The following SMC6 variants were observed in gnomAD, a reference collection of about 807,000 sequenced individuals.
The protein encoded by SMC6 is structural maintenance of chromosomes 6, also known as structural maintenance of chromosomes protein 6.
SMC6 carries 79 observed loss-of-function variants against 142.2 expected under a neutral mutation model. The observed-to-expected ratio is 0.56, with a 90% CI of 0.46 to 0.67. The LOEUF (loss-of-function observed/expected upper bound fraction) is 0.67. Among genes scored for constraint, SMC6 ranks in the 30% least tolerant of loss-of-function variants. The pLI is 0.00. For synonymous variants in SMC6, 411 were observed against 412.4 expected, an observed-to-expected ratio of 1.00 and a Z score of 0.04; for missense variants, 1,072 against 1,284.0, an observed-to-expected ratio of 0.83 and a Z score of 2.52.
intron 7 of SMC6, among the ~76,000 whole-genome samples, chr2:17,729,865 C>T (rs893028095): frequency 6.6e-6 from 1 of 152,176 alleles, no homozygotes; most frequent in Non-Finnish European, 1.5e-5. Context: ...TAGTCAAGAA[C>T]CACATGTGGC....
intron 18 of SMC6, among the ~76,000 whole-genome samples, chr2:17,704,009 T>C (rs1668391093): frequency 6.6e-6 from 1 of 151,966 alleles, no homozygotes; most frequent in Admixed American, 6.6e-5. Flanking sequence ...ACCTCTGCAC[T>C]GTTCAAGGGT....
At chr2:17,719,453 A>G (rs559550387) in intron 11 of SMC6, among the ~76,000 whole-genome samples, 6 of 152,338 alleles carry the variant, frequency 3.9e-5, no homozygotes, top group East Asian at 1.9e-4. Context: ...AAATTTGCCA[A>G]TTACAACATA....
intron 19 of SMC6, among the ~76,000 whole-genome samples, chr2:17,702,513 T>A (rs1191544900): frequency 1.3e-5 from 2 of 152,196 alleles, no homozygotes; most frequent in African/African-American, 2.4e-5. Context: ...CTTTTTGGTT[T>A]CAAAGCTTTG....
At chr2:17,728,222 G>A (rs1669726426) in intron 7 of SMC6, among the ~76,000 whole-genome samples, 1 of 152,084 alleles carries the variant, frequency 6.6e-6, no homozygotes, top group Non-Finnish European at 1.5e-5. Context: ...GACTGCTTGA[G>A]TCCAGGAGTT....
At position 17,710,745 on chromosome 2, in the gene SMC6, G is replaced by A. The variant is rs1323418963; in HGVS notation, c.1731-1992C>T. On this transcript the variant is annotated intron_variant, in intron 16 of 27. Transcript: ENST00000448223. ...AGTCAATTGAGTTAAGCGAAGTGAG[G>A]CTTGCTGATGCCTTGATAAGAGCTG... 2.0e-5 allele frequency among the ~76,000 whole-genome samples: 3 copies of A among 152,186 alleles called. No homozygotes were observed. The East Asian group carries it at 5.8e-4, about 29-fold the overall frequency.
At chr2:17,703,045 T>G (rs1384097205) in intron 19 of SMC6, 112 bp downstream of exon 19, 4 of 646,456 alleles carry the variant, frequency 6.2e-6, no homozygotes, top group Non-Finnish European at 1.0e-5. Flanking sequence ...TAAAGGGGCT[T>G]GAGGCCAAAA....
At chr2:17,715,202 T>C in intron 15 of SMC6, 137 bp from the exon 16 acceptor site, 1 of 781,348 alleles carries the variant, frequency 1.3e-6, no homozygotes, top group South Asian at 1.7e-5. Flanking sequence ...GATCATTTAA[T>C]CATAGTTTAT....
intron 21 of SMC6, among the ~76,000 whole-genome samples, chr2:17,699,453 C>T (rs57098476): frequency 0.013 from 1,986 of 152,124 alleles, 22 homozygotes; most frequent in African/African-American, 0.031. Flanking sequence ...TTTTGGTTTA[C>T]GTACATTCTT....
At chr2:17,686,174 A>G (rs1004325236) in intron 23 of SMC6, among the ~76,000 whole-genome samples, 2 of 152,108 alleles carry the variant, frequency 1.3e-5, no homozygotes, top group Admixed American at 6.6e-5. Flanking sequence ...GAGCATTCCT[A>G]ATCCAAAAAT....
rs753193321 is a variant in SMC6 at position 17,714,978 on chromosome 2, T to A, written c.1613A>T (p.Asn538Ile). Reference protein sequence around the residue: ...KGLLQAYCCHNHADERVLQAL... With the variant: ...KGLLQAYCCHIHADERVLQAL... ...CTGAAGGACCCTTTCATCAGCATGA[T>A]TATGGCAACAATAGGCCTGCAGAAG... The change falls in exon 16 of 28, where the codon AAT becomes ATT. Residue 538 changes from asparagine to isoleucine, a missense_variant. Around this residue, in one of 3 missense-constraint regions of SMC6, gnomAD observed 994 missense variants for 1,153.2 expected, o/e 0.86. Coordinates refer to ENST00000448223, the MANE Select transcript of SMC6 (RefSeq NM_001142286.2). 2.5e-6 allele frequency: 4 copies of A among 1,613,916 alleles called. No individual in the cohort carries two copies.
intron 26 of SMC6, among the ~76,000 whole-genome samples, chr2:17,668,545 T>A (rs895957498): frequency 5.9e-5 from 9 of 151,884 alleles, no homozygotes; most frequent in African/African-American, 2.2e-4. Context: ...AAATATTATA[T>A]AATAATATAA....
At chr2:17,731,653 G>T in intron 6 of SMC6, 88 bp downstream of exon 6, 1 of 1,271,764 alleles carries the variant, frequency 7.9e-7, no homozygotes, top group Non-Finnish European at 1.1e-6. Context: ...TTACAAGGAA[G>T]ATAGTTCAAT....
At chr2:17,668,828 C>T (rs765884334) in intron 26 of SMC6, among the ~76,000 whole-genome samples, 1 of 152,128 alleles carries the variant, frequency 6.6e-6, no homozygotes, top group Non-Finnish European at 1.5e-5. Flanking sequence ...GGTACGATAT[C>T]ATGAAGGGTC....
intron 6 of SMC6, 30 bp downstream of exon 6, chr2:17,731,711 A>G (rs1443158693): frequency 1.9e-6 from 3 of 1,592,026 alleles, no homozygotes; most frequent in Non-Finnish European, 2.6e-6. Flanking sequence ...CTAATATTTT[A>G]TAAGAAATGA....
intron 9 of SMC6, 32 bp downstream of exon 9, chr2:17,725,225 C>T: frequency 6.6e-7 from 1 of 1,512,188 alleles, no homozygotes; most frequent in East Asian, 2.3e-5. Flanking sequence ...TTTGGCTGAT[C>T]TCAAAAAGAT....
At chr2:17,689,445 T>C (rs932298617) in intron 23 of SMC6, among the ~76,000 whole-genome samples, 1 of 152,174 alleles carries the variant, frequency 6.6e-6, no homozygotes, top group Non-Finnish European at 1.5e-5. Context: ...TGTAAGATAA[T>C]ACTCTTATTC....
intron 23 of SMC6, among the ~76,000 whole-genome samples, chr2:17,686,558 G>C (rs767155200): frequency 6.6e-6 from 1 of 152,130 alleles, no homozygotes; most frequent in Admixed American, 6.5e-5. Context: ...GATGCCAAAA[G>C]TGAAAAATTC....
At chr2:17,666,598 A>C (rs1406102048) in intron 26 of SMC6, 81 bp from the exon 27 acceptor site, 2 of 982,028 alleles carry the variant, frequency 2.0e-6, no homozygotes, top group Non-Finnish European at 3.2e-6. Context: ...GGCTGATACA[A>C]GCTCCTGGAT....
At position 17,695,260 on chromosome 2, in the gene SMC6, C is replaced by A. The variant is rs780388886; in HGVS notation, c.2570G>T (p.Arg857Leu). The change falls in exon 23 of 28, where the codon CGT becomes CTT. Residue 857 changes from arginine (R) to leucine (L), a missense_variant. Coordinates refer to ENST00000448223, the MANE Select transcript of SMC6 (RefSeq NM_001142286.2). ...MSQARQICPE[R>L]IEVEKSASIL... ...TGATGCAGATTTTTCTACTTCTATA[C>A]GCTCTGGGCAGATTTGTCTTGCTTG... 1.9e-6 allele frequency: 3 copies of A among 1,613,334 alleles called. No homozygotes were observed. Among genetic ancestry groups the A allele is most frequent in the South Asian group, 1.1e-5 (1 of 90,994 alleles).
Sources: gnomAD v4.1 joint callset for allele counts (sites outside exome capture counted in the v4.1 genomes callset) on GRCh38, gnomAD v4.1.1 for gene constraint, gnomAD v4.1.1 regional missense constraint, MANE v1.5 for transcripts, NCBI Gene and HGNC (gene_info 2026-07-23, HGNC 2026-07-21) for gene names.